The following TMEM132D variants were observed in gnomAD, a reference collection of about 807,000 sequenced individuals.
TMEM132D encodes mature OL transmembrane protein.
In TMEM132D, 21 loss-of-function variants were observed where a neutral mutation model predicts 62.3. That is an observed-to-expected ratio of 0.34 (90% CI 0.24 to 0.49). The LOEUF (loss-of-function observed/expected upper bound fraction) is 0.49. Among genes scored for constraint, TMEM132D ranks in the 20% least tolerant of loss-of-function variants. The probability of loss-of-function intolerance (pLI) is 0.99; values close to 1 mark genes in which losing one functional copy is unlikely to be tolerated. For synonymous variants in TMEM132D, 621 were observed against 575.6 expected (o/e 1.08, Z -1.13); for missense variants, 1,346 against 1,402.8 (o/e 0.96, Z 0.65).
intron 2 of TMEM132D, among the ~76,000 whole-genome samples, chr12:129,648,169 C>T (rs1191154424): frequency 2.6e-5 from 4 of 152,078 alleles, no homozygotes; most frequent in Admixed American, 2.0e-4. Context: ...TATTGACAAA[C>T]CTGAGATTGG....
intron 2 of TMEM132D, among the ~76,000 whole-genome samples, chr12:129,671,713 C>T (rs898545972): frequency 4.0e-5 from 6 of 151,770 alleles, no homozygotes; most frequent in Admixed American, 1.3e-4. Context: ...AGTGGGAGCA[C>T]GGAGAGGAAG....
chr12:129,208,080 C>T (rs906825025), intron 5 of TMEM132D, among the ~76,000 whole-genome samples: 2 of 152,156 alleles, frequency 1.3e-5, no homozygotes, highest in Non-Finnish European at 2.9e-5. Flanking sequence ...GGTCATATCG[C>T]CCGTGACCGC....
At chr12:129,681,039 C>G (rs1317263070) in intron 2 of TMEM132D, among the ~76,000 whole-genome samples, 1 of 152,128 alleles carries the variant, frequency 6.6e-6, no homozygotes, top group Non-Finnish European at 1.5e-5. Flanking sequence ...AATCAAAAGC[C>G]AGAGCTGGGT....
At chr12:129,247,875 T>C (rs1880163178) in intron 4 of TMEM132D, among the ~76,000 whole-genome samples, 1 of 152,012 alleles carries the variant, frequency 6.6e-6, no homozygotes, top group Non-Finnish European at 1.5e-5. Flanking sequence ...TTTTTTTTTT[T>C]TTTATAATGA....
At chr12:129,784,368 C>T (rs943767235) in intron 1 of TMEM132D, among the ~76,000 whole-genome samples, 5 of 152,276 alleles carry the variant, frequency 3.3e-5, no homozygotes, top group South Asian at 2.1e-4. Context: ...CACAAATAGA[C>T]GCTAGTGGAG....
At position 129,339,266 on chromosome 12, in the gene TMEM132D, C is replaced by CA. The variant is rs34532510; in HGVS notation, c.1116-1450dup. ...TGGGTGATGAAATGAAAATATGTCT[C>CA]AAAAAAAAAAAAGGGAAAAGAAAAA... On this transcript the variant is annotated intron_variant, in intron 3 of 8. Transcript: ENST00000422113. Among the ~76,000 whole-genome samples the CA allele has an allele frequency of 7.9e-3, 811 of 102,678 alleles. 5 individuals carry two copies. Among genetic ancestry groups the CA allele is most frequent in the African/African-American group, 0.023 (655 of 28,732 alleles). The allele number at this position is 102,678 out of a possible 152,430, so 67.4% of individuals were successfully genotyped here.
chr12:129,837,494 C>A (rs1566003246), intron 1 of TMEM132D, among the ~76,000 whole-genome samples: 1 of 152,166 alleles, frequency 6.6e-6, no homozygotes, highest in South Asian at 2.1e-4. Context: ...AAGACACGCA[C>A]ATACACAAAA....
chr12:129,395,041 G>A (rs955324177), intron 3 of TMEM132D, among the ~76,000 whole-genome samples: 9 of 152,150 alleles, frequency 5.9e-5, no homozygotes, highest in Admixed American at 1.3e-4. Flanking sequence ...TAGTCCTTCC[G>A]CCATGCCTCT....
intron 1 of TMEM132D, among the ~76,000 whole-genome samples, chr12:129,732,565 CT>C (rs1869285382): frequency 6.6e-6 from 1 of 152,144 alleles, no homozygotes; most frequent in African/African-American, 2.4e-5. Context: ...CTCCACCTTG[CT>C]GTCTTACTCC....
chr12:129,631,447 C>G lies in TMEM132D; in HGVS notation c.968+68363G>C, dbSNP rs146821453. Among the ~76,000 whole-genome samples the G allele has an allele frequency of 2.7e-3, 413 of 152,282 alleles. 3 individuals carry two copies. Among genetic ancestry groups the G allele is most frequent in the African/African-American group, 9.5e-3 (394 of 41,550 alleles). Reference sequence around the variant, plus strand: ...ATAATCTCACAAACCTCCAAAACAACAGAGGAAACGAATCCAGACCTGACT... The same window carrying G: ...ATAATCTCACAAACCTCCAAAACAAGAGAGGAAACGAATCCAGACCTGACT... On this transcript the variant is annotated intron_variant, in intron 2 of 8. Transcript: ENST00000422113.
intron 5 of TMEM132D, among the ~76,000 whole-genome samples, chr12:129,091,497 C>T (rs1446911657): frequency 6.7e-6 from 1 of 150,306 alleles, no homozygotes; most frequent in Non-Finnish European, 1.5e-5. Flanking sequence ...CCTATGCTCA[C>T]CTGGGCTCTG....
intron 5 of TMEM132D, among the ~76,000 whole-genome samples, chr12:129,129,681 T>G (rs1876315610): frequency 6.6e-6 from 1 of 152,204 alleles, no homozygotes; most frequent in African/African-American, 2.4e-5. Context: ...ACTAGCCATA[T>G]TCTGACTGGT....
At chr12:129,101,984 GTT>G (rs774221783) in intron 5 of TMEM132D, among the ~76,000 whole-genome samples, 1 of 126,950 alleles carries the variant, frequency 7.9e-6, no homozygotes, top group African/African-American at 3.5e-5. Context: ...CAAAGCTGCT[GTT>G]TTTTTTTTTT....
intron 3 of TMEM132D, among the ~76,000 whole-genome samples, chr12:129,436,440 T>C (rs1035915763): frequency 2.0e-5 from 3 of 152,180 alleles, no homozygotes; most frequent in Admixed American, 6.5e-5. Context: ...AATATGGTCT[T>C]ATTTGTATTT....
chr12:129,568,041 C>T (rs540794029), intron 2 of TMEM132D, among the ~76,000 whole-genome samples: 192 of 152,340 alleles, frequency 1.3e-3, no homozygotes, highest in Admixed American at 4.2e-3. Flanking sequence ...GTTTTCATTT[C>T]TCTCCCATTC....
intron 4 of TMEM132D, among the ~76,000 whole-genome samples, chr12:129,256,741 G>C (rs763497179): frequency 6.6e-6 from 1 of 152,122 alleles, no homozygotes; most frequent in African/African-American, 2.4e-5. Flanking sequence ...ATTTTTAGTA[G>C]AGACGGGGTT....
intron 3 of TMEM132D, among the ~76,000 whole-genome samples, chr12:129,363,054 T>C (rs776017379): frequency 5.6e-4 from 85 of 152,212 alleles, no homozygotes; most frequent in Non-Finnish European, 4.3e-4. Context: ...CCTTCCTCCA[T>C]CTTTGTTTAT....
At chr12:129,453,096 T>C (rs547897228) in intron 3 of TMEM132D, among the ~76,000 whole-genome samples, 5 of 152,322 alleles carry the variant, frequency 3.3e-5, no homozygotes, top group Non-Finnish European at 7.3e-5. Context: ...GAACTGCGTA[T>C]GCAAGGGATC....
intron 4 of TMEM132D, among the ~76,000 whole-genome samples, chr12:129,236,513 T>TA (rs1339723004): frequency 0.015 from 710 of 47,666 alleles, 3 homozygotes; most frequent in Middle Eastern, 0.11. Context: ...AGACTCCATC[T>TA]CAAAAAAAAA....
Sources: gnomAD v4.1 joint callset for allele counts (sites outside exome capture counted in the v4.1 genomes callset) on GRCh38, gnomAD v4.1.1 for gene constraint, MANE v1.5 for transcripts, NCBI Gene and HGNC (gene_info 2026-07-23, HGNC 2026-07-21) for gene names.